The following SENP6 variants were observed in gnomAD, a reference collection of about 807,000 sequenced individuals.
SENP6 encodes the protein sentrin-specific protease 6.
In SENP6, 41 loss-of-function variants were observed where a neutral mutation model predicts 134.5. The observed-to-expected ratio is 0.30, with a 90% CI of 0.24 to 0.40. The LOEUF (loss-of-function observed/expected upper bound fraction) is 0.40, where lower values mean the gene tolerates loss of function less well. SENP6 is among the 10% of genes least tolerant of loss of function. The probability of loss-of-function intolerance (pLI) is 1.00; values close to 1 mark genes in which losing one functional copy is unlikely to be tolerated. For synonymous variants in SENP6, 395 were observed against 429.8 expected (o/e 0.92, Z 1.00); for missense variants, 1,248 against 1,312.5 (o/e 0.95, Z 0.76).
At chr6:75,611,047 CTTG>C (rs1767412136) in intron 1 of SENP6, 2 of 127,478 alleles carry the variant, frequency 1.6e-5, no homozygotes, top group African/African-American at 5.6e-5. Context: ...GTTTAGTAAC[CTTG>C]TTGTTTCATA....
In SENP6 at chr6:75,638,947, G is replaced by C. The variant is rs72654721; in HGVS notation, c.459-1737G>C. 0.011 allele frequency among the ~76,000 whole-genome samples: 1,602 copies of C among 152,096 alleles called. 60 individuals are homozygous for C. In the East Asian group the frequency reaches 0.14, roughly 13 times the overall value. On this transcript the variant is annotated intron_variant, in intron 5 of 23. Transcript: ENST00000447266. ...GTGGTGCACACTTGTAGTCCCAGCTGCTCAAGGTGGGAGAATCACCTGAGC... is the reference window on the plus strand; with the variant it reads ...GTGGTGCACACTTGTAGTCCCAGCTCCTCAAGGTGGGAGAATCACCTGAGC...
intron 10 of SENP6, among the ~76,000 whole-genome samples, 176 bp downstream of exon 10, chr6:75,667,117 TC>T (rs1330720665): frequency 1.3e-5 from 2 of 152,144 alleles, no homozygotes; most frequent in African/African-American, 4.8e-5. Context: ...AAAATAAGTT[TC>T]AATTAAACTT....
intron 16 of SENP6, among the ~76,000 whole-genome samples, chr6:75,690,497 A>G (rs1188866280): frequency 6.6e-6 from 1 of 152,190 alleles, no homozygotes; most frequent in Non-Finnish European, 1.5e-5. Flanking sequence ...ATTCATAGAA[A>G]CAGAAAATAG....
chr6:75,703,186 T>G, intron 19 of SENP6, 114 bp downstream of exon 19: 1 of 884,732 alleles, frequency 1.1e-6, no homozygotes, highest in Non-Finnish European at 1.7e-6. Flanking sequence ...CTGGGTGTGG[T>G]GGCTCACGCT....
In SENP6 at chr6:75,602,357, G is replaced by GC. The variant is rs1468131030; in HGVS notation, c.-166dup. ...GGACAGGCCCGGGCGCGCCTGGCCT[G>GC]CCTTTGTATAGGCCCGTCTGAACGT... is the stretch of plus-strand genomic sequence containing the variant. On this transcript the variant is annotated 5_prime_UTR_variant, in exon 1 of 24. Coordinates refer to ENST00000447266, the MANE Select transcript of SENP6 (RefSeq NM_015571.4). 4.4e-5 allele frequency: 31 copies of GC among 706,010 alleles called. No homozygotes were observed. Among genetic ancestry groups the GC allele is most frequent in the Non-Finnish European group, 6.3e-5 (28 of 447,860 alleles). The allele number at this position is 706,010 out of a possible 1,614,324, so 43.7% of individuals were successfully genotyped here. A position where few individuals can be genotyped will look rare whatever the true frequency, so the allele number is the denominator to read the frequency against.
chr6:75,670,172 C>T (rs1054543528), intron 10 of SENP6, among the ~76,000 whole-genome samples: 3 of 152,136 alleles, frequency 2.0e-5, no homozygotes, highest in African/African-American at 4.8e-5. Flanking sequence ...GTCTCGAACT[C>T]CTGACCTCAG....
At chr6:75,698,254 G>C (rs965181467) in intron 18 of SENP6, among the ~76,000 whole-genome samples, 3 of 152,164 alleles carry the variant, frequency 2.0e-5, no homozygotes, top group Non-Finnish European at 4.4e-5. Flanking sequence ...ATATGGGGGA[G>C]GGTCTAAAGT....
At chr6:75,658,613 T>TA (rs941459362) in intron 7 of SENP6, among the ~76,000 whole-genome samples, 3 of 151,932 alleles carry the variant, frequency 2.0e-5, no homozygotes, top group Admixed American at 6.6e-5. Context: ...TAAATTTACA[T>TA]AAAAAATATC....
chr6:75,672,674 G>T (rs1339815423), intron 11 of SENP6, among the ~76,000 whole-genome samples: 1 of 152,086 alleles, frequency 6.6e-6, no homozygotes, highest in Admixed American at 6.5e-5. Flanking sequence ...GTAGTGAAAT[G>T]ATTTATCTGC....
At chr6:75,672,424 G>A (rs1458979621) in intron 11 of SENP6, among the ~76,000 whole-genome samples, 1 of 152,194 alleles carries the variant, frequency 6.6e-6, no homozygotes, top group Non-Finnish European at 1.5e-5. Flanking sequence ...AAAAATAAAA[G>A]GCAGTATATG....
intron 4 of SENP6, among the ~76,000 whole-genome samples, chr6:75,634,247 G>A (rs879477099): frequency 6.6e-6 from 1 of 152,096 alleles, no homozygotes; most frequent in Non-Finnish European, 1.5e-5. Flanking sequence ...TAACTTTCAA[G>A]TCAGTGGCAA....
intron 18 of SENP6, among the ~76,000 whole-genome samples, chr6:75,699,209 T>G (rs1774856471): frequency 6.7e-6 from 1 of 150,258 alleles, no homozygotes; most frequent in Non-Finnish European, 1.5e-5. Context: ...CGCATCCCTC[T>G]TAGTCACTAT....
chr6:75,688,065 C>G (rs1263849781), intron 16 of SENP6, among the ~76,000 whole-genome samples: 1 of 152,224 alleles, frequency 6.6e-6, no homozygotes, highest in Non-Finnish European at 1.5e-5. Context: ...TTTGAGCTTC[C>G]TGGCCGCTTT....
At chr6:75,693,898 T>C (rs1196574881) in intron 16 of SENP6, among the ~76,000 whole-genome samples, 2 of 152,142 alleles carry the variant, frequency 1.3e-5, no homozygotes, top group Non-Finnish European at 2.9e-5. Context: ...TTTCCCTTTG[T>C]GATATAAACG....
chr6:75,670,441 T>G, intron 10 of SENP6, 112 bp from the exon 11 acceptor site: 3 of 676,162 alleles, frequency 4.4e-6, no homozygotes, highest in Non-Finnish European at 4.7e-6. Flanking sequence ...GGGAAATCCA[T>G]TTTATGTTGT....
intron 4 of SENP6, among the ~76,000 whole-genome samples, chr6:75,634,143 G>A (rs1442317509): frequency 6.6e-6 from 1 of 151,996 alleles, no homozygotes; most frequent in Non-Finnish European, 1.5e-5. Flanking sequence ...GGTAGGATTG[G>A]GTATCAGTAG....
At chr6:75,659,061 C>G (rs1379312798) in intron 7 of SENP6, among the ~76,000 whole-genome samples, 1 of 136,368 alleles carries the variant, frequency 7.3e-6, no homozygotes, top group Non-Finnish European at 1.6e-5. Context: ...CTTAGTAGAA[C>G]AAAATAAAGT....
chr6:75,640,617 C>G, intron 5 of SENP6, 67 bp from the exon 6 acceptor site: 1 of 1,029,696 alleles, frequency 9.7e-7, no homozygotes. Context: ...ATAGTTACTG[C>G]AACTACAGTG....
intron 6 of SENP6, among the ~76,000 whole-genome samples, chr6:75,645,293 G>A (rs1257803821): frequency 6.6e-6 from 1 of 152,146 alleles, no homozygotes; most frequent in Non-Finnish European, 1.5e-5. Context: ...ATACCTGCAA[G>A]AGTAATGGAA....
Sources: gnomAD v4.1 joint callset for allele counts (sites outside exome capture counted in the v4.1 genomes callset) on GRCh38, gnomAD v4.1.1 for gene constraint, MANE v1.5 for transcripts, NCBI Gene and HGNC (gene_info 2026-07-23, HGNC 2026-07-21) for gene names.